The following GALNTL6 variants were observed in gnomAD, a reference collection of about 807,000 sequenced individuals.
GALNTL6 encodes polypeptide N-acetylgalactosaminyltransferase like 6, also known as polypeptide N-acetylgalactosaminyltransferase-like 6.
A neutral mutation model predicts 73.7 loss-of-function variants in GALNTL6; 46 were observed. That is an observed-to-expected ratio of 0.62 (90% CI 0.49 to 0.80). The LOEUF (loss-of-function observed/expected upper bound fraction) is 0.80. Ranked by LOEUF, GALNTL6 falls within the 30% of genes least tolerant of loss-of-function variation. The pLI, the probability that GALNTL6 is intolerant of heterozygous loss-of-function variation, is 0.00. For missense variants in GALNTL6, 604 were observed against 755.0 expected, an observed-to-expected ratio of 0.80 and a Z score of 2.34; for synonymous variants, 259 against 263.7, an observed-to-expected ratio of 0.98 and a Z score of 0.17.
intron 5 of GALNTL6, among the ~76,000 whole-genome samples, chr4:172,605,220 T>A (rs892680790): frequency 2.0e-5 from 3 of 152,200 alleles, no homozygotes; most frequent in African/African-American, 7.2e-5. Flanking sequence ...AACATAGGTC[T>A]GTAAAGTGTG....
At chr4:172,954,578 C>T (rs1414977017) in intron 10 of GALNTL6, among the ~76,000 whole-genome samples, 1 of 151,918 alleles carries the variant, frequency 6.6e-6, no homozygotes, top group Non-Finnish European at 1.5e-5. Context: ...GTGATCCTCC[C>T]ACCTCAGCCT....
In GALNTL6 at chr4:172,545,201, T is replaced by TG. The variant is rs373747247; in HGVS notation, c.553+196519dup. Among the ~76,000 whole-genome samples, 15 of 152,036 alleles carry TG rather than the reference T, an allele frequency of 9.9e-5. No homozygotes were observed. The South Asian group carries it at 1.5e-3, about 15-fold the overall frequency. ...AGACATTACTAAATGTATAATGGGGTGGGGGGGTAACTAAGGCCCCAGAGG... is the reference window on the plus strand; with the variant it reads ...AGACATTACTAAATGTATAATGGGGTGGGGGGGGTAACTAAGGCCCCAGAGG... On this transcript the variant is annotated intron_variant, in intron 5 of 12. Coordinates refer to ENST00000506823, the MANE Select transcript of GALNTL6 (RefSeq NM_001034845.3).
At chr4:172,639,639 C>T (rs1560850797) in intron 5 of GALNTL6, among the ~76,000 whole-genome samples, 1 of 152,182 alleles carries the variant, frequency 6.6e-6, no homozygotes, top group South Asian at 2.1e-4. Flanking sequence ...CTTCTTCTCT[C>T]TCCTCCAGCT....
intron 5 of GALNTL6, among the ~76,000 whole-genome samples, chr4:172,789,687 G>A (rs1739884982): frequency 6.6e-6 from 1 of 152,196 alleles, no homozygotes; most frequent in Non-Finnish European, 1.5e-5. Flanking sequence ...GTCCTCTTGG[G>A]TTTTTATGGA....
intron 5 of GALNTL6, among the ~76,000 whole-genome samples, chr4:172,641,552 G>A (rs1301591850): frequency 1.3e-5 from 2 of 151,940 alleles, no homozygotes; most frequent in Non-Finnish European, 2.9e-5. Flanking sequence ...TAACTGCATG[G>A]CTCGCTCCTT....
intron 2 of GALNTL6, among the ~76,000 whole-genome samples, chr4:172,001,380 T>C (rs1740666757): frequency 6.6e-6 from 1 of 152,176 alleles, no homozygotes; most frequent in Non-Finnish European, 1.5e-5. Context: ...AATACTGTCA[T>C]TTATAATTTA....
chr4:172,446,255 C>A (rs1388930679), intron 5 of GALNTL6, among the ~76,000 whole-genome samples: 1 of 152,050 alleles, frequency 6.6e-6, no homozygotes, highest in Non-Finnish European at 1.5e-5. Flanking sequence ...GATCACAGAG[C>A]TTTAAGGTGG....
At chr4:172,390,114 G>A (rs1048896672) in intron 5 of GALNTL6, among the ~76,000 whole-genome samples, 2 of 151,914 alleles carry the variant, frequency 1.3e-5, no homozygotes, top group East Asian at 1.9e-4. Flanking sequence ...ATTTCCTTTA[G>A]CAAAATAAAG....
At chr4:171,898,648 A>C (rs1159685863) in intron 2 of GALNTL6, among the ~76,000 whole-genome samples, 1 of 152,108 alleles carries the variant, frequency 6.6e-6, no homozygotes, top group African/African-American at 2.4e-5. Context: ...GAAAAGAAAA[A>C]ATTATAGGTA....
intron 11 of GALNTL6, among the ~76,000 whole-genome samples, chr4:173,016,342 C>T (rs1180121858): frequency 6.6e-5 from 10 of 152,182 alleles, no homozygotes; most frequent in African/African-American, 2.2e-4. Context: ...ACAGCTTGCA[C>T]CATGCACCTG....
At chr4:172,221,197 C>T (rs1218042350) in intron 2 of GALNTL6, among the ~76,000 whole-genome samples, 5 of 151,812 alleles carry the variant, frequency 3.3e-5, no homozygotes, top group East Asian at 1.9e-4. Flanking sequence ...ACCTAATCCC[C>T]ATTTCATCTT....
intron 5 of GALNTL6, among the ~76,000 whole-genome samples, chr4:172,724,838 A>C (rs1735702481): frequency 6.6e-6 from 1 of 152,150 alleles, no homozygotes; most frequent in African/African-American, 2.4e-5. Context: ...GGAATCTGGG[A>C]TTCAAGAATC....
intron 2 of GALNTL6, among the ~76,000 whole-genome samples, chr4:171,825,383 A>G (rs2110812655): frequency 6.6e-6 from 1 of 152,174 alleles, no homozygotes; most frequent in South Asian, 2.1e-4. Flanking sequence ...GTGATGGGGG[A>G]AAATAAAAAT....
intron 10 of GALNTL6, among the ~76,000 whole-genome samples, chr4:172,988,537 A>T (rs557730183): frequency 6.6e-6 from 1 of 152,224 alleles, no homozygotes; most frequent in African/African-American, 2.4e-5. Context: ...ATTCATTTTC[A>T]TGGGAGGAAT....
chr4:172,747,333 C>A (rs1737166950), intron 5 of GALNTL6, among the ~76,000 whole-genome samples: 1 of 151,456 alleles, frequency 6.6e-6, no homozygotes, highest in Non-Finnish European at 1.5e-5. Context: ...AAACAAATAA[C>A]CCCATTAAAA....
At chr4:171,825,369 T>A (rs537996729) in intron 2 of GALNTL6, among the ~76,000 whole-genome samples, 1 of 152,030 alleles carries the variant, frequency 6.6e-6, no homozygotes, top group South Asian at 2.1e-4. Flanking sequence ...CTGTGTAAAA[T>A]TAAGTGATGG....
At chr4:172,192,214 T>C (rs1264146985) in intron 2 of GALNTL6, among the ~76,000 whole-genome samples, 1 of 152,116 alleles carries the variant, frequency 6.6e-6, no homozygotes, top group African/African-American at 2.4e-5. Context: ...CTCTGAGTTA[T>C]CATAACTTCT....
At chr4:172,695,855 A>G (rs1359351386) in intron 5 of GALNTL6, among the ~76,000 whole-genome samples, 1 of 152,092 alleles carries the variant, frequency 6.6e-6, no homozygotes, top group Non-Finnish European at 1.5e-5. Context: ...CAGGAGGCTG[A>G]GGCAGGAGAA....
chr4:172,555,012 A>G (rs1736094336), intron 5 of GALNTL6, among the ~76,000 whole-genome samples: 1 of 152,162 alleles, frequency 6.6e-6, no homozygotes, highest in Non-Finnish European at 1.5e-5. Flanking sequence ...ATGTTTGATA[A>G]TTGCACCTGC....
Sources: gnomAD v4.1 joint callset for allele counts (sites outside exome capture counted in the v4.1 genomes callset) on GRCh38, gnomAD v4.1.1 for gene constraint, MANE v1.5 for transcripts, NCBI Gene and HGNC (gene_info 2026-07-23, HGNC 2026-07-21) for gene names.